The following MRPS2 variants were observed in gnomAD, a reference collection of about 807,000 sequenced individuals.
MRPS2 encodes small ribosomal subunit protein uS2m.
Under a neutral mutation model 18.9 loss-of-function variants are expected in MRPS2, and 13 were observed. That is an observed-to-expected ratio of 0.69 (90% CI 0.45 to 1.09). The LOEUF is 1.09. Ranked by LOEUF, MRPS2 falls within the 50% of genes least tolerant of loss-of-function variation. The probability of loss-of-function intolerance (pLI) is 0.00; values close to 1 mark genes in which losing one functional copy is unlikely to be tolerated. For synonymous variants in MRPS2, 186 were observed against 178.4 expected, an observed-to-expected ratio of 1.04 and a Z score of -0.34; for missense variants, 389 against 421.7, an observed-to-expected ratio of 0.92 and a Z score of 0.68.
chr9:135,502,035 G>A lies in MRPS2; in HGVS notation c.299+62G>A, dbSNP rs1588368683. ...CAGGAGGAACCTGGGACCTGCTCTGGTTCTAGGGCCACTTTTGAACTGGCC... is the reference window on the plus strand; with the variant it reads ...CAGGAGGAACCTGGGACCTGCTCTGATTCTAGGGCCACTTTTGAACTGGCC... On this transcript the variant is annotated intron_variant, in intron 3 of 3. Transcript: ENST00000241600. The A allele has an allele frequency of 6.2e-6, 10 of 1,607,420 alleles. No individual in the cohort carries two copies. The East Asian group carries it at 2.0e-4, about 32-fold the overall frequency.
chr9:135,503,589 T>C lies in MRPS2; in HGVS notation c.347T>C (p.Ile116Thr), dbSNP rs1831202332. 2.5e-6 allele frequency: 4 copies of C among 1,613,650 alleles called. No individual in the cohort carries two copies. The highest frequency in any genetic ancestry group is 3.4e-6 in the Non-Finnish European group (4 of 1,179,992). The part of the protein sequence containing the change: ...IFGSRLDHDI[I>T]DLEQTATHLQ... Reference sequence around the variant, plus strand: ...GGGAGCCGCCTGGACCACGACATCATCGACCTGGAACAGACAGCCACGCAC... The same window carrying C: ...GGGAGCCGCCTGGACCACGACATCACCGACCTGGAACAGACAGCCACGCAC... Residue 116 changes from isoleucine to threonine, a missense_variant, in exon 4 of 4, where the codon ATC becomes ACC. By Grantham distance (89) the Ile-to-Thr change is moderately conservative. Transcript: ENST00000241600.
In MRPS2 at chr9:135,500,688, T is replaced by C; in HGVS notation, c.-23T>C. On this transcript the variant is annotated 5_prime_UTR_variant, in exon 1 of 4. Coordinates refer to ENST00000241600, the MANE Select transcript of MRPS2 (RefSeq NM_016034.5). ...GCTCGGCCTGGCCTGGAGGGAGACC[T>C]CGCTCTGCCCCGCGTCCCAGCCATG... 2 of 1,459,016 alleles carry C rather than the reference T, an allele frequency of 1.4e-6. No homozygotes were observed. The highest frequency in any genetic ancestry group is 2.8e-5 in the South Asian group (2 of 71,458). 90.4% of individuals were successfully genotyped at this position (1,459,016 alleles called of 1,614,324 possible).
intron 3 of MRPS2, 23 bp from the exon 4 acceptor site, chr9:135,503,495 GGCCCCGTGAACTCTCATCCCCCTT>G: frequency 6.4e-7 from 1 of 1,556,890 alleles, no homozygotes. Context: ...CAGTGGAGAT[GGCCCCGTGAACTCTCATCCCCCTT>G]GCCTTGGTGG....
At chr9:135,500,512 C>A, upstream of MRPS2, 1 of 515,692 alleles carries the variant, frequency 1.9e-6, no homozygotes, top group Admixed American at 4.3e-5. Flanking sequence ...ACTCCCCGCC[C>A]GAGACTCTCA....
intron 2 of MRPS2, 46 bp from the exon 3 acceptor site, chr9:135,501,798 C>A: frequency 5.0e-6 from 8 of 1,607,056 alleles, no homozygotes; most frequent in Non-Finnish European, 6.8e-6. Flanking sequence ...CCTGTCTCTG[C>A]TGCCACCGGT....
intron 1 of MRPS2, 90 bp downstream of exon 1, chr9:135,500,843 G>T: frequency 6.7e-7 from 1 of 1,493,130 alleles, no homozygotes; most frequent in South Asian, 1.3e-5. Context: ...GGGACGTGGA[G>T]GGGACCCGGG....
At position 135,501,439 on chromosome 9, in the gene MRPS2, T is replaced by C. The variant is rs546588608; in HGVS notation, c.169+316T>C. 1.6e-5 allele frequency: 17 copies of C among 1,033,860 alleles called. No homozygotes were observed. The East Asian group carries it at 6.6e-4, about 40-fold the overall frequency. 64.0% of individuals were successfully genotyped at this position (1,033,860 alleles called of 1,614,324 possible). A position where few individuals can be genotyped will look rare whatever the true frequency, so the allele number is the denominator to read the frequency against. On this transcript the variant is annotated intron_variant, in intron 2 of 3. Coordinates refer to ENST00000241600, the MANE Select transcript of MRPS2 (RefSeq NM_016034.5). ...CTCGCCCAGGCGGGCCCAAGTGACCTGGGGGCACTGGGCTTGGAGTCTGCC... is the reference window on the plus strand; with the variant it reads ...CTCGCCCAGGCGGGCCCAAGTGACCCGGGGGCACTGGGCTTGGAGTCTGCC...
Position 135,504,323 on chromosome 9 carries a change from T to A in MRPS2, c.*190T>A. ...AACGTTGCCATGTGCGTTTGCTCTG[T>A]GGGGAACAGAGCACAGAGGGTGAGC... On this transcript the variant is annotated 3_prime_UTR_variant, in exon 4 of 4. Transcript: ENST00000241600. This position sits in a 1 kb window ranked among gnomAD's most constrained non-coding sequence, Gnocchi z 4.3. 1.6e-6 allele frequency: 1 copy of A among 626,124 alleles called. No individual in the cohort carries two copies. The highest frequency in any genetic ancestry group is 2.8e-5 in the East Asian group (1 of 36,346). The allele number at this position is 626,124 out of a possible 1,614,324, so 38.8% of individuals were successfully genotyped here.
intron 2 of MRPS2, chr9:135,501,342 C>G (rs901940591): frequency 2.1e-6 from 3 of 1,401,978 alleles, no homozygotes; most frequent in African/African-American, 3.0e-5. Context: ...AGGGAGCGGG[C>G]GGGCCAGTGG....
chr9:135,500,721 C>A lies in MRPS2; in HGVS notation c.11C>A (p.Ser4Tyr). Residue 4 changes from serine (S) to tyrosine (Y), a missense_variant, in exon 1 of 4, where the codon TCC becomes TAC. By Grantham distance (144) the Ser-to-Tyr change is moderately radical. Coordinates refer to ENST00000241600, the MANE Select transcript of MRPS2 (RefSeq NM_016034.5). MAT[S>Y]SAALPRILGA... ...CCCCGCGTCCCAGCCATGGCGACAT[C>A]CTCGGCCGCGCTGCCCCGAATACTC... 1 of 1,480,550 alleles carries A rather than the reference C, an allele frequency of 6.8e-7. No homozygotes were observed. The allele number at this position is 1,480,550 out of a possible 1,614,324, so 91.7% of individuals were successfully genotyped here.
rs779521059 is a variant in MRPS2 at position 135,500,755 on chromosome 9, TGAGC to T, written c.43+4_43+7del. 1.4e-6 allele frequency: 2 copies of T among 1,477,524 alleles called. No homozygotes were observed. Among genetic ancestry groups the T allele is most frequent in the Admixed American group, 4.8e-5 (2 of 41,456 alleles). 91.5% of individuals were successfully genotyped at this position (1,477,524 alleles called of 1,614,324 possible). On this transcript the variant is annotated splice_donor_5th_base_variant and intron_variant, in intron 1 of 3. Coordinates refer to ENST00000241600, the MANE Select transcript of MRPS2 (RefSeq NM_016034.5). Reference sequence around the variant, plus strand: ...CGCTGCCCCGAATACTCGGCGCGGGTGAGCGCGCGCTTGCGGGACCCTGGGGAGG... The same window carrying T: ...CGCTGCCCCGAATACTCGGCGCGGGTGCGCGCTTGCGGGACCCTGGGGAGG...
chr9:135,502,368 GA>G, intron 3 of MRPS2: 46 of 243,664 alleles, frequency 1.9e-4, no homozygotes, highest in Non-Finnish European at 2.9e-4. Context: ...GGGGGGAGGG[GA>G]TGGGAGGGGC....
chr9:135,504,367 C>T lies in MRPS2; in HGVS notation c.*234C>T. 5 of 564,014 alleles carry T rather than the reference C, an allele frequency of 8.9e-6. No homozygotes were observed. Among genetic ancestry groups the T allele is most frequent in the Non-Finnish European group, 1.3e-5 (4 of 319,434 alleles). 34.9% of individuals were successfully genotyped at this position (564,014 alleles called of 1,614,324 possible). A position where few individuals can be genotyped will look rare whatever the true frequency, so the allele number is the denominator to read the frequency against. On this transcript the variant is annotated 3_prime_UTR_variant, in exon 4 of 4. Coordinates refer to ENST00000241600, the MANE Select transcript of MRPS2 (RefSeq NM_016034.5). The surrounding 1 kb of genome is among the most constrained non-coding windows in gnomAD (Gnocchi z 4.3). Reference sequence around the variant, plus strand: ...GGTGAGCGACATGTGCAGAACGGCCCCTTGGCTGCAGTTAGGACCTCAGTG... The same window carrying T: ...GGTGAGCGACATGTGCAGAACGGCCTCTTGGCTGCAGTTAGGACCTCAGTG...
rs747939383 is a variant in MRPS2, at chr9:135,503,736, A to G, written c.494A>G (p.Tyr165Cys). ...AACATGGCCCGTGACTGTGGCGAGT[A>G]CGCCCACACTCGCTACTTCAGGGGC... ...IENMARDCGEYAHTRYFRGGM... is the reference protein window; with the variant it reads ...IENMARDCGECAHTRYFRGGM... The change falls in exon 4 of 4, where the codon TAC (tyrosine) becomes TGC (cysteine). Residue 165 changes from tyrosine (Y) to cysteine (C), a missense_variant. Physicochemically the swap from Tyr to Cys is radical, Grantham distance 194. Transcript: ENST00000241600. The G allele has an allele frequency of 1.9e-6, 3 of 1,613,072 alleles. No individual in the cohort carries two copies. Among genetic ancestry groups the G allele is most frequent in the Non-Finnish European group, 2.5e-6 (3 of 1,180,004 alleles).
At chr9:135,502,630 C>T (rs2119362393) in intron 3 of MRPS2, 1 of 154,052 alleles carries the variant, frequency 6.5e-6, no homozygotes, top group East Asian at 1.9e-4. Flanking sequence ...AAGCTTGGTT[C>T]CTACCAGGTA....
upstream of MRPS2, chr9:135,500,452 C>G: frequency 2.3e-6 from 1 of 441,476 alleles, no homozygotes; most frequent in East Asian, 3.6e-5. Context: ...CCGGGCTGGC[C>G]GGTCCCATTA....
rs1831198729 is a variant in MRPS2, at chr9:135,503,469, T to C, written c.300-73T>C. 5 of 1,487,794 alleles carry C rather than the reference T, an allele frequency of 3.4e-6. No homozygotes were observed. The Admixed American group carries it at 8.6e-5, about 26-fold the overall frequency. The allele number at this position is 1,487,794 out of a possible 1,614,324, so 92.2% of individuals were successfully genotyped here. ...CCCGGGAGTCCCTGGTGGGCGTCTGTGTTCCTGCAAGGAGCCAGTGGAGAT... is the reference window on the plus strand; with the variant it reads ...CCCGGGAGTCCCTGGTGGGCGTCTGCGTTCCTGCAAGGAGCCAGTGGAGAT... On this transcript the variant is annotated intron_variant, in intron 3 of 3. Coordinates refer to ENST00000241600, the MANE Select transcript of MRPS2 (RefSeq NM_016034.5).
chr9:135,500,542 T>A (rs1831086084), upstream of MRPS2: 3 of 633,478 alleles, frequency 4.7e-6, no homozygotes, highest in South Asian at 8.6e-5. Flanking sequence ...CCCCGGGCCC[T>A]GACCCCTCGC....
Position 135,503,309 on chromosome 9 carries a change from G to A in MRPS2, c.300-233G>A, listed in dbSNP as rs987090389. ...TTCTATTAGGATTCCTTCGGGAAGA[G>A]GTAGAGGGTAGGAGGGGTTAAGCCA... On this transcript the variant is annotated intron_variant, in intron 3 of 3. Coordinates refer to ENST00000241600, the MANE Select transcript of MRPS2 (RefSeq NM_016034.5). 6.0e-5 allele frequency: 84 copies of A among 1,408,050 alleles called. 1 individual carries two copies. In the Admixed American group the frequency reaches 8.6e-4, roughly 14 times the overall value. 87.2% of individuals were successfully genotyped at this position (1,408,050 alleles called of 1,614,324 possible).
Sources: allele counts gnomAD v4.1 joint callset, GRCh38; gene constraint gnomAD v4.1.1; non-coding constraint Gnocchi (gnomAD v3.1); transcripts MANE v1.5; gene names NCBI Gene and HGNC (gene_info 2026-07-23, HGNC 2026-07-21).